MAML2: variants seen among roughly 807,000 people sequenced by gnomAD.
MAML2 encodes mastermind-like protein 2.
Under a neutral mutation model 96.1 loss-of-function variants are expected in MAML2, and 22 were observed. The ratio of observed to expected loss-of-function variants is 0.23; its 90% CI spans 0.16 to 0.33. The LOEUF is 0.33. Ranked by LOEUF, MAML2 falls within the 10% of genes least tolerant of loss-of-function variation. MAML2 has a pLI of 1.00. For synonymous variants in MAML2, 561 were observed against 521.3 expected, an observed-to-expected ratio of 1.08 and a Z score of -1.04; for missense variants, 1,367 against 1,392.4, an observed-to-expected ratio of 0.98 and a Z score of 0.29.
intron 2 of MAML2, among the ~76,000 whole-genome samples, chr11:96,025,778 G>T (rs972630949): frequency 6.6e-6 from 1 of 151,880 alleles, no homozygotes; most frequent in African/African-American, 2.4e-5. Flanking sequence ...GGCCAGGATC[G>T]TCTCAATCTT....
In MAML2 at chr11:96,341,722, A is replaced by G. The variant is rs576626011; in HGVS notation, c.174T>C (p.Tyr58=). ...RQHHLSCEGR[Y]ERGRAESSDR... ...CTGAGCTCTCGGCCCTACCTCGTTC[A>G]TATCGTCCTTCACAGCTCAGGTGGT... The change falls in exon 1 of 5, where the codon TAT becomes TAC. Residue 58 remains tyrosine, a synonymous_variant. Transcript: ENST00000524717. 4.2e-5 allele frequency: 68 copies of G among 1,612,812 alleles called. No homozygotes were observed. In the South Asian group the frequency reaches 6.7e-4, roughly 16 times the overall value.
chr11:96,080,092 C>T (rs991292471), intron 2 of MAML2, among the ~76,000 whole-genome samples: 1 of 152,178 alleles, frequency 6.6e-6, no homozygotes, highest in Non-Finnish European at 1.5e-5. Context: ...CTTATCTCAG[C>T]AGTAAATACT....
chr11:95,985,478 G>GTTTTT, intron 4 of MAML2, 53 bp downstream of exon 4: 1 of 1,078,262 alleles, frequency 9.3e-7, no homozygotes. Context: ...GAAAATTGAA[G>GTTTTT]TTTTTTTTTC....
Position 95,977,531 on chromosome 11 carries a change from A to G in MAML2, c.*1417T>C. ...TTTGAATATGTGAGCATAGAACTGA[A>G]AGGGCTGAAGATAACCTTTGCTCCT... On this transcript the variant is annotated 3_prime_UTR_variant, in exon 5 of 5. Coordinates refer to ENST00000524717, the MANE Select transcript of MAML2 (RefSeq NM_032427.4). 1 of 202,636 alleles carries G rather than the reference A, an allele frequency of 4.9e-6. No individual in the cohort carries two copies. Among genetic ancestry groups the G allele is most frequent in the Non-Finnish European group, 1.0e-5 (1 of 98,518 alleles). The allele number at this position is 202,636 out of a possible 1,614,324, so 12.6% of individuals were successfully genotyped here.
At chr11:96,304,783 A>G (rs1863441680) in intron 1 of MAML2, among the ~76,000 whole-genome samples, 2 of 152,352 alleles carry the variant, frequency 1.3e-5, no homozygotes. Flanking sequence ...CCAAATCACA[A>G]TGATGTTACA....
intron 2 of MAML2, among the ~76,000 whole-genome samples, chr11:96,007,832 C>T (rs1434308998): frequency 1.5e-5 from 2 of 136,142 alleles, no homozygotes; most frequent in Non-Finnish European, 3.0e-5. Context: ...ACAATGAGAT[C>T]ACATGGTCAC....
At chr11:96,024,510 C>T (rs475065) in intron 2 of MAML2, among the ~76,000 whole-genome samples, 98,672 of 152,128 alleles carry the variant, frequency 0.65, 32,427 homozygotes, top group African/African-American at 0.77. Flanking sequence ...ACTTTCTAAG[C>T]GTGCAGACAT....
chr11:96,314,288 G>A (rs1469966900), intron 1 of MAML2, among the ~76,000 whole-genome samples: 2 of 152,210 alleles, frequency 1.3e-5, no homozygotes, highest in African/African-American at 4.8e-5. Context: ...GCCAGCTGCT[G>A]TTTATAAACC....
intron 1 of MAML2, among the ~76,000 whole-genome samples, chr11:96,281,540 G>A (rs950929761): frequency 1.3e-5 from 2 of 151,966 alleles, no homozygotes; most frequent in Non-Finnish European, 2.9e-5. Context: ...AGGAATAATA[G>A]TTTTTTTCCC....
At chr11:96,313,348 G>A (rs1001253314) in intron 1 of MAML2, among the ~76,000 whole-genome samples, 1 of 152,166 alleles carries the variant, frequency 6.6e-6, no homozygotes, top group African/African-American at 2.4e-5. Flanking sequence ...TGGACGCCAA[G>A]GTGCAATGTA....
At chr11:96,229,382 A>G (rs1862258469) in intron 1 of MAML2, among the ~76,000 whole-genome samples, 1 of 151,624 alleles carries the variant, frequency 6.6e-6, no homozygotes, top group African/African-American at 2.4e-5. Context: ...AATTGGTGAG[A>G]TCCTGCAGAG....
At chr11:95,985,091 C>T (rs1857805004) in intron 4 of MAML2, among the ~76,000 whole-genome samples, 1 of 152,112 alleles carries the variant, frequency 6.6e-6, no homozygotes, top group South Asian at 2.1e-4. Flanking sequence ...TTCAAGTATT[C>T]CTTGGTGGCA....
chr11:96,109,929 A>G (rs1161232200), intron 1 of MAML2, among the ~76,000 whole-genome samples: 4 of 152,234 alleles, frequency 2.6e-5, no homozygotes, highest in African/African-American at 9.6e-5. Context: ...TGCAAGGAAC[A>G]AGAAGAGAAA....
At chr11:96,341,309 AG>A in intron 1 of MAML2, 73 bp downstream of exon 1, 1 of 1,448,434 alleles carries the variant, frequency 6.9e-7, no homozygotes, top group Non-Finnish European at 9.2e-7. Flanking sequence ...ACTCTACCTT[AG>A]GCCAAAGCAA....
intron 1 of MAML2, among the ~76,000 whole-genome samples, chr11:96,313,922 C>T (rs905250536): frequency 6.6e-6 from 1 of 152,230 alleles, no homozygotes; most frequent in Admixed American, 6.5e-5. Flanking sequence ...CCAGGTGGTT[C>T]TGATGCCAGG....
chr11:96,069,972 C>G (rs1859316265), intron 2 of MAML2, among the ~76,000 whole-genome samples: 1 of 151,010 alleles, frequency 6.6e-6, no homozygotes, highest in Admixed American at 6.6e-5. Context: ...TGCAGTGAGC[C>G]AAGATCACGC....
chr11:96,240,860 C>A (rs1355492002), intron 1 of MAML2, among the ~76,000 whole-genome samples: 1 of 152,058 alleles, frequency 6.6e-6, no homozygotes, highest in Non-Finnish European at 1.5e-5. Context: ...TATATACACA[C>A]AAACTTAAAA....
At chr11:96,059,745 C>A (rs1388434326) in intron 2 of MAML2, among the ~76,000 whole-genome samples, 2 of 152,140 alleles carry the variant, frequency 1.3e-5, no homozygotes, top group Non-Finnish European at 2.9e-5. Context: ...GATCTTGAAG[C>A]ATTTTGAATT....
At chr11:96,029,892 T>A (rs1554998112) in intron 2 of MAML2, among the ~76,000 whole-genome samples, 1 of 152,150 alleles carries the variant, frequency 6.6e-6, no homozygotes, top group Non-Finnish European at 1.5e-5. Context: ...GACCACAAAA[T>A]ATTTCTGGAA....
Sources: gnomAD v4.1 joint callset for allele counts (sites outside exome capture counted in the v4.1 genomes callset) on GRCh38, gnomAD v4.1.1 for gene constraint, MANE v1.5 for transcripts, NCBI Gene and HGNC (gene_info 2026-07-23, HGNC 2026-07-21) for gene names.